Variants in PARVA observed in about 807,000 individuals in gnomAD.
The protein encoded by PARVA is alpha-parvin.
Under a neutral mutation model 52.6 loss-of-function variants are expected in PARVA, and 25 were observed. The observed-to-expected ratio is 0.48, with a 90% CI of 0.35 to 0.66. The LOEUF is 0.66. Among genes scored for constraint, PARVA ranks in the 30% least tolerant of loss-of-function variants. The pLI is 0.01. For synonymous variants in PARVA, 185 were observed against 179.1 expected (o/e 1.03, Z -0.26); for missense variants, 373 against 450.9 (o/e 0.83, Z 1.56).
Position 12,522,893 on chromosome 11 carries a change from G to T in PARVA, c.1042+4376G>T, listed in dbSNP as rs139455448. Among the ~76,000 whole-genome samples, 830 of 152,170 alleles carry T rather than the reference G, an allele frequency of 5.5e-3. 6 individuals carry two copies. Among genetic ancestry groups the T allele is most frequent in the Non-Finnish European group, 8.1e-3 (548 of 68,028 alleles). Reference sequence around the variant, plus strand: ...ACTGTTCAAGGGCACGTATGTTGATGCTAGGACTGGTAAGAAAAGCAAGGA... The same window carrying T: ...ACTGTTCAAGGGCACGTATGTTGATTCTAGGACTGGTAAGAAAAGCAAGGA... On this transcript the variant is annotated intron_variant, in intron 12 of 12. Coordinates refer to ENST00000334956, the MANE Select transcript of PARVA (RefSeq NM_018222.5).
chr11:12,402,643 C>T (rs1025528069), intron 1 of PARVA, among the ~76,000 whole-genome samples: 4 of 152,202 alleles, frequency 2.6e-5, no homozygotes, highest in Admixed American at 2.0e-4. Context: ...AGTTAATACA[C>T]ATCAAGTGCA....
At chr11:12,471,336 G>A (rs931717793) in intron 1 of PARVA, among the ~76,000 whole-genome samples, 1 of 149,146 alleles carries the variant, frequency 6.7e-6, no homozygotes, top group Admixed American at 6.8e-5. Context: ...TTAGTTGAAT[G>A]GGATGACCTA....
At position 12,457,303 on chromosome 11, in the gene PARVA, GA is replaced by G. The variant is rs1017350362; in HGVS notation, c.137-16433del. On this transcript the variant is annotated intron_variant, in intron 1 of 12. Transcript: ENST00000334956. ...CTGTCAACATGAATTGTTGGTTTAG[GA>G]AAAAAAAATCAGGGTGCTGCAATGG... 9.2e-4 allele frequency among the ~76,000 whole-genome samples: 140 copies of G among 151,594 alleles called. No homozygotes were observed. The Middle Eastern group carries it at 0.01, about 11-fold the overall frequency.
chr11:12,463,196 AACTT>A (rs1484451670), intron 1 of PARVA, among the ~76,000 whole-genome samples: 2 of 152,182 alleles, frequency 1.3e-5, no homozygotes, highest in Non-Finnish European at 2.9e-5. Flanking sequence ...TATTATTACT[AACTT>A]ACAGTTAGTG....
intron 1 of PARVA, among the ~76,000 whole-genome samples, chr11:12,408,121 C>A (rs1184460159): frequency 6.6e-6 from 1 of 152,172 alleles, no homozygotes; most frequent in Non-Finnish European, 1.5e-5. Flanking sequence ...CTTGGGCATT[C>A]CCCTGTTGTC....
chr11:12,448,826 C>T (rs1423378731), intron 1 of PARVA, among the ~76,000 whole-genome samples: 1 of 152,172 alleles, frequency 6.6e-6, no homozygotes, highest in African/African-American at 2.4e-5. Context: ...AACATTTAGA[C>T]TCATTTCCAG....
chr11:12,428,349 A>G (rs914351299), intron 1 of PARVA, among the ~76,000 whole-genome samples: 1 of 152,222 alleles, frequency 6.6e-6, no homozygotes, highest in Non-Finnish European at 1.5e-5. Context: ...AGAGGAAAGA[A>G]GAGAAGACAC....
intron 1 of PARVA, chr11:12,453,061 T>C: frequency 4.4e-6 from 2 of 456,058 alleles, no homozygotes; most frequent in South Asian, 3.1e-5. Flanking sequence ...AAGTTGAACG[T>C]GCTGTGGTGG....
At chr11:12,429,496 A>G (rs887091555) in intron 1 of PARVA, among the ~76,000 whole-genome samples, 3 of 152,214 alleles carry the variant, frequency 2.0e-5, no homozygotes, top group African/African-American at 7.2e-5. Flanking sequence ...TTTACAAATA[A>G]TAATAAAATA....
At chr11:12,482,104 C>T (rs573352386) in intron 4 of PARVA, among the ~76,000 whole-genome samples, 14 of 147,984 alleles carry the variant, frequency 9.5e-5, no homozygotes, top group South Asian at 4.3e-4. Context: ...TGCAGCAAGC[C>T]GAGATCGTGC....
At chr11:12,409,217 T>TAA (rs979611547) in intron 1 of PARVA, among the ~76,000 whole-genome samples, 2 of 152,168 alleles carry the variant, frequency 1.3e-5, no homozygotes, top group Non-Finnish European at 2.9e-5. Flanking sequence ...TATATATATA[T>TAA]AATATGTAGT....
At chr11:12,435,321 T>TGG (rs1940372160) in intron 1 of PARVA, among the ~76,000 whole-genome samples, 2 of 152,078 alleles carry the variant, frequency 1.3e-5, no homozygotes, top group African/African-American at 2.4e-5. Context: ...CTTTTCCCCT[T>TGG]CTCCTGTCAC....
chr11:12,486,520 C>T (rs988040303), intron 4 of PARVA, among the ~76,000 whole-genome samples: 10 of 150,942 alleles, frequency 6.6e-5, no homozygotes, highest in African/African-American at 1.7e-4. Context: ...ACAACAAGAG[C>T]GAAACTCTGT....
At chr11:12,457,349 T>C (rs534407401) in intron 1 of PARVA, among the ~76,000 whole-genome samples, 2 of 152,356 alleles carry the variant, frequency 1.3e-5, no homozygotes, top group African/African-American at 4.8e-5. Context: ...GCACAGTGAC[T>C]GGCAATGTTT....
At chr11:12,407,320 C>T (rs1222712986) in intron 1 of PARVA, among the ~76,000 whole-genome samples, 1 of 152,102 alleles carries the variant, frequency 6.6e-6, no homozygotes, top group African/African-American at 2.4e-5. Context: ...TGCGTGCCTT[C>T]AGGAAAAATA....
intron 9 of PARVA, 129 bp from the exon 10 acceptor site, chr11:12,513,868 A>G (rs11022380): frequency 1 from 791,333 of 794,508 alleles, 394,142 homozygotes; most frequent in East Asian, 1. Context: ...TCCTGGGCCC[A>G]GGGCTCTTGG....
chr11:12,489,225 A>T (rs554122653), intron 4 of PARVA, among the ~76,000 whole-genome samples: 2 of 152,086 alleles, frequency 1.3e-5, no homozygotes, highest in East Asian at 3.8e-4. Flanking sequence ...AGTATGTTTA[A>T]TATGTCAAAA....
At chr11:12,511,430 G>A in intron 7 of PARVA, 84 bp from the exon 8 acceptor site, 1 of 1,462,424 alleles carries the variant, frequency 6.8e-7, no homozygotes, top group South Asian at 1.2e-5. Context: ...GCTTCCAGCA[G>A]TGATGGAGTG....
At chr11:12,405,011 G>C (rs1214187267) in intron 1 of PARVA, among the ~76,000 whole-genome samples, 3 of 152,074 alleles carry the variant, frequency 2.0e-5, no homozygotes, top group Non-Finnish European at 4.4e-5. Flanking sequence ...CTACCGTCTG[G>C]GTATCTAGGT....
Sources: allele counts gnomAD v4.1 joint callset (sites outside exome capture counted in the v4.1 genomes callset), GRCh38; gene constraint gnomAD v4.1.1; transcripts MANE v1.5; gene names NCBI Gene and HGNC (gene_info 2026-07-23, HGNC 2026-07-21).